The following ERO1B variants were observed in gnomAD, a reference collection of about 807,000 sequenced individuals.
ERO1B encodes the protein endoplasmic reticulum oxidoreductase 1 beta, also known as ERO1-like protein beta.
A neutral mutation model predicts 75.3 loss-of-function variants in ERO1B; 49 were observed. The observed-to-expected ratio is 0.65, with a 90% CI of 0.52 to 0.83. The LOEUF (loss-of-function observed/expected upper bound fraction) is 0.83, where lower values mean the gene tolerates loss of function less well. ERO1B is among the 40% of genes least tolerant of loss of function. The pLI, the probability that ERO1B is intolerant of heterozygous loss-of-function variation, is 0.00. For missense variants in ERO1B, 512 were observed against 560.1 expected (o/e 0.91, Z 0.87); for synonymous variants, 191 against 192.9 (o/e 0.99, Z 0.08).
chr1:236,256,521 A>G (rs1256955149), intron 2 of ERO1B, among the ~76,000 whole-genome samples: 2 of 144,388 alleles, frequency 1.4e-5, no homozygotes, highest in Non-Finnish European at 3.1e-5. Context: ...CAATCTCTCA[A>G]TGGAAGGAGG....
chr1:236,246,946 C>A (rs1664899301), intron 5 of ERO1B, among the ~76,000 whole-genome samples: 3 of 152,000 alleles, frequency 2.0e-5, no homozygotes, highest in African/African-American at 7.3e-5. Context: ...AATTAAAGGA[C>A]AAATCCTAAC....
chr1:236,252,909 T>C (rs544242857), intron 3 of ERO1B, among the ~76,000 whole-genome samples: 2 of 151,740 alleles, frequency 1.3e-5, no homozygotes, highest in South Asian at 4.1e-4. Context: ...TTATGTTAGA[T>C]AACAAAAATC....
At chr1:236,273,379 G>A (rs1346565508) in intron 1 of ERO1B, among the ~76,000 whole-genome samples, 1 of 152,100 alleles carries the variant, frequency 6.6e-6, no homozygotes, top group Non-Finnish European at 1.5e-5. Flanking sequence ...AATTTATATT[G>A]TTTTTAAGTC....
Position 236,235,770 on chromosome 1 carries a change from G to A in ERO1B, c.673+19C>T. 3.8e-6 allele frequency: 6 copies of A among 1,597,066 alleles called. No individual in the cohort carries two copies. Among genetic ancestry groups the A allele is most frequent in the East Asian group, 2.2e-5 (1 of 44,748 alleles). ...TATAAACAATGAAAAGCATGAAAAT[G>A]TACATATGAAAAACCTACCTCGGCT... On this transcript the variant is annotated intron_variant, in intron 8 of 15. Coordinates refer to ENST00000354619, the MANE Select transcript of ERO1B (RefSeq NM_019891.4).
rs556847318 is a variant in ERO1B at position 236,265,525 on chromosome 1, A to AT, written c.222+4349dup. Among the ~76,000 whole-genome samples the AT allele has an allele frequency of 1.3e-4, 20 of 152,058 alleles. No homozygotes were observed. The East Asian group carries it at 3.7e-3, about 28-fold the overall frequency. ...CAACCCTAATTTGATCATTTTCTAC[A>AT]TTTTTCAGCTGCAGCATTCTATTGC... is the stretch of plus-strand genomic sequence containing the variant. On this transcript the variant is annotated intron_variant, in intron 2 of 15. Transcript: ENST00000354619.
rs2102935134 is a variant in ERO1B at position 236,217,518 on chromosome 1, T to C, written c.*998A>G. 1.3e-5 allele frequency: 2 copies of C among 152,678 alleles called. No individual in the cohort carries two copies. Among genetic ancestry groups the C allele is most frequent in the Middle Eastern group, 3.4e-3 (1 of 294 alleles). 9.5% of individuals were successfully genotyped at this position (152,678 alleles called of 1,614,324 possible). ...GGGAAAAGCACACTGAGTTCGAGGA[T>C]TGCATAGATTGTATTCTAAAATAAA... On this transcript the variant is annotated 3_prime_UTR_variant, in exon 16 of 16. Transcript: ENST00000354619.
chr1:236,267,906 C>T (rs1665485333), intron 2 of ERO1B: 1 of 151,964 alleles, frequency 6.6e-6, no homozygotes, highest in African/African-American at 2.4e-5. Context: ...CTTGCTCCAT[C>T]CACTCCTCGC....
chr1:236,264,242 G>A (rs1428753093), intron 2 of ERO1B, among the ~76,000 whole-genome samples: 3 of 151,954 alleles, frequency 2.0e-5, no homozygotes, highest in African/African-American at 7.3e-5. Flanking sequence ...CCAGTAGCTG[G>A]AATTACAGGC....
intron 12 of ERO1B, 46 bp downstream of exon 12, chr1:236,226,223 T>G: frequency 1.9e-6 from 3 of 1,596,780 alleles, no homozygotes; most frequent in Non-Finnish European, 2.6e-6. Context: ...CTACCTCATT[T>G]GAATACAGAG....
intron 1 of ERO1B, among the ~76,000 whole-genome samples, chr1:236,277,343 G>C (rs1665731065): frequency 1.3e-5 from 2 of 151,824 alleles, no homozygotes; most frequent in South Asian, 4.2e-4. Flanking sequence ...GACAGAGGTT[G>C]CAGTGAACTG....
At chr1:236,250,620 A>C (rs1173129084) in intron 4 of ERO1B, among the ~76,000 whole-genome samples, 1 of 64,298 alleles carries the variant, frequency 1.6e-5, no homozygotes, top group Non-Finnish European at 3.6e-5. Context: ...TATATATATC[A>C]AACGTGTGTG....
Position 236,218,395 on chromosome 1 carries a change from A to AT in ERO1B, c.*120dup. On this transcript the variant is annotated 3_prime_UTR_variant, in exon 16 of 16. Coordinates refer to ENST00000354619, the MANE Select transcript of ERO1B (RefSeq NM_019891.4). Reference sequence around the variant, plus strand: ...CATAAATATTCAAGTGAGCATTTAAATTTTCTATTTAATAGTTCAGAATTC... The same window carrying AT: ...CATAAATATTCAAGTGAGCATTTAAATTTTTCTATTTAATAGTTCAGAATTC... The AT allele has an allele frequency of 1.1e-6, 1 of 913,120 alleles. No individual in the cohort carries two copies. Among genetic ancestry groups the AT allele is most frequent in the Non-Finnish European group, 1.4e-6 (1 of 696,032 alleles). The allele number at this position is 913,120 out of a possible 1,614,324, so 56.6% of individuals were successfully genotyped here.
intron 6 of ERO1B, 103 bp downstream of exon 6, chr1:236,243,319 T>G (rs1354315035): frequency 2.5e-6 from 2 of 799,028 alleles, no homozygotes; most frequent in Non-Finnish European, 3.9e-6. Context: ...CATAGCAAAA[T>G]CCAGTACTGA....
chr1:236,258,149 C>CAAA lies in ERO1B; in HGVS notation c.223-4647_223-4645dup, dbSNP rs58531434. On this transcript the variant is annotated intron_variant, in intron 2 of 15. Coordinates refer to ENST00000354619, the MANE Select transcript of ERO1B (RefSeq NM_019891.4). The stretch of plus-strand genomic sequence containing the variant: ...AGAAAGAAAAAAAAGAAAAACAAAG[C>CAAA]AAAAAAAAAAAAAACCCAGCCAGAT... 8.3e-5 allele frequency among the ~76,000 whole-genome samples: 8 copies of CAAA among 96,576 alleles called. 1 individual carries two copies. Among genetic ancestry groups the CAAA allele is most frequent in the East Asian group, 3.9e-4 (1 of 2,558 alleles). 63.4% of individuals were successfully genotyped at this position (96,576 alleles called of 152,430 possible). A position where few individuals can be genotyped will look rare whatever the true frequency, so the allele number is the denominator to read the frequency against.
At position 236,279,676 on chromosome 1, in the gene ERO1B, A is replaced by AC. The variant is rs1355551360; in HGVS notation, c.102+2005_102+2006insG. Among the ~76,000 whole-genome samples, 32 of 84,166 alleles carry AC rather than the reference A, an allele frequency of 3.8e-4. No individual in the cohort carries two copies. In the East Asian group the frequency reaches 5.4e-3, roughly 14 times the overall value. The allele number at this position is 84,166 out of a possible 152,430, so 55.2% of individuals were successfully genotyped here. ...AAACCCTGTCTACTGGGAAAAAAAA[A>AC]AAAAACACACACACAAAAATTAGCC... is the stretch of plus-strand genomic sequence containing the variant. On this transcript the variant is annotated intron_variant, in intron 1 of 15. Coordinates refer to ENST00000354619, the MANE Select transcript of ERO1B (RefSeq NM_019891.4).
rs776595450 is a variant in ERO1B, at chr1:236,226,632, TA to T, written c.805+14del. On this transcript the variant is annotated intron_variant, in intron 11 of 15. Coordinates refer to ENST00000354619, the MANE Select transcript of ERO1B (RefSeq NM_019891.4). ...ACTAATAGAAGGCAAAATCTCGACT[TA>T]AAAATATGATTACCTTCCAAAAGAT... 1.9e-6 allele frequency: 3 copies of T among 1,604,356 alleles called. No individual in the cohort carries two copies. The highest frequency in any genetic ancestry group is 1.1e-5 in the South Asian group (1 of 88,102).
chr1:236,273,365 A>G (rs2695039), intron 1 of ERO1B, among the ~76,000 whole-genome samples: 139,169 of 152,162 alleles, frequency 0.91, 64,891 homozygotes, highest in East Asian at 1. Flanking sequence ...ACTACAGCAT[A>G]ATAAATTTAT....
At position 236,225,075 on chromosome 1, in the gene ERO1B, G is replaced by C; in HGVS notation, c.1117C>G (p.Leu373Val). Residue 373 changes from leucine (L) to valine (V), a missense_variant, in exon 13 of 16, where the codon CTA (leucine) becomes GTA (valine). Physicochemically the swap from Leu to Val is conservative, Grantham distance 32 (BLOSUM62 1). Transcript: ENST00000354619. Reference protein sequence around the residue: ...FAGDKKGAKSLKEEFRLHFKN... With the variant: ...FAGDKKGAKSVKEEFRLHFKN... ...CCCAATCGAGAACTTTTTACCTTTA[G>C]TGACTTGGCCCCTTTTTTGTCACCT... 6.2e-7 allele frequency: 1 copy of C among 1,613,788 alleles called. No individual in the cohort carries two copies. Among genetic ancestry groups the C allele is most frequent in the Non-Finnish European group, 8.5e-7 (1 of 1,179,748 alleles).
intron 15 of ERO1B, among the ~76,000 whole-genome samples, chr1:236,219,647 A>G (rs191736522): frequency 4.1e-4 from 63 of 152,284 alleles, no homozygotes; most frequent in East Asian, 3.1e-3. Context: ...TGGATAGTCT[A>G]TATCTATCCT....
Sources: allele counts gnomAD v4.1 joint callset (sites outside exome capture counted in the v4.1 genomes callset), GRCh38; gene constraint gnomAD v4.1.1; transcripts MANE v1.5; gene names NCBI Gene and HGNC (gene_info 2026-07-23, HGNC 2026-07-21).